Variants in STK3 observed in about 807,000 individuals in gnomAD.
STK3 encodes serine/threonine-protein kinase 3.
STK3 carries 41 observed loss-of-function variants against 58.0 expected under a neutral mutation model. The observed-to-expected ratio is 0.71, with a 90% CI of 0.55 to 0.92. The LOEUF is 0.92. Among genes scored for constraint, STK3 ranks in the 40% least tolerant of loss-of-function variants. STK3 has a pLI of 0.00. For missense variants in STK3, 479 were observed against 602.7 expected, an observed-to-expected ratio of 0.79 and a Z score of 2.15; for synonymous variants, 170 against 191.0, an observed-to-expected ratio of 0.89 and a Z score of 0.91.
At chr8:98,668,382 A>G (rs938828107) in intron 6 of STK3, among the ~76,000 whole-genome samples, 11 of 152,172 alleles carry the variant, frequency 7.2e-5, no homozygotes, top group Non-Finnish European at 4.4e-5. Flanking sequence ...AGACAGTTCA[A>G]AGTTTTATTT....
chr8:98,700,734 C>T (rs947222979), intron 6 of STK3, among the ~76,000 whole-genome samples: 3 of 152,180 alleles, frequency 2.0e-5, no homozygotes, highest in African/African-American at 7.2e-5. Context: ...GGTTTGATTT[C>T]TATTTTCTTT....
chr8:98,347,375 C>A, the STK3 span, among the ~76,000 whole-genome samples: 1 of 151,400 alleles, frequency 6.6e-6, no homozygotes, highest in Non-Finnish European at 1.5e-5. Flanking sequence ...ATTAGCCGGG[C>A]GTGATGGCGG....
intron 3 of STK3, among the ~76,000 whole-genome samples, chr8:98,421,712 G>T (rs1423460256): frequency 6.6e-6 from 1 of 152,116 alleles, no homozygotes; most frequent in Non-Finnish European, 1.5e-5. Flanking sequence ...GGAGGTGGAG[G>T]TTGCAGTGAG....
At chr8:98,866,367 G>A (rs543412166) in intron 3 of STK3, among the ~76,000 whole-genome samples, 2 of 152,186 alleles carry the variant, frequency 1.3e-5, no homozygotes, top group African/African-American at 4.8e-5. Flanking sequence ...ACTGCTTAAT[G>A]TAGTCTAGGA....
At chr8:98,548,974 T>C (rs1265117807) in intron 8 of STK3, among the ~76,000 whole-genome samples, 3 of 152,186 alleles carry the variant, frequency 2.0e-5, no homozygotes, top group African/African-American at 7.2e-5. Flanking sequence ...TATTCCATTG[T>C]ATGAATACAC....
At chr8:98,897,887 C>A (rs1487090195) in intron 1 of STK3, among the ~76,000 whole-genome samples, 1 of 152,134 alleles carries the variant, frequency 6.6e-6, no homozygotes, top group Non-Finnish European at 1.5e-5. Flanking sequence ...ATATGATCAC[C>A]ACACCATATC....
chr8:98,937,262 CT>C (rs1840230789), intron 1 of STK3, among the ~76,000 whole-genome samples: 1 of 152,272 alleles, frequency 6.6e-6, no homozygotes, highest in East Asian at 1.9e-4. Context: ...TGAGAATCAG[CT>C]TGAGTGAGCT....
At chr8:98,752,083 A>C (rs1273019452) in intron 3 of STK3, among the ~76,000 whole-genome samples, 1 of 152,192 alleles carries the variant, frequency 6.6e-6, no homozygotes, top group East Asian at 1.9e-4. Flanking sequence ...TCGGCACAGA[A>C]CTAGAAAAAA....
intron 3 of STK3, among the ~76,000 whole-genome samples, chr8:98,853,403 C>T (rs1162317905): frequency 6.6e-6 from 1 of 152,178 alleles, no homozygotes; most frequent in African/African-American, 2.4e-5. Flanking sequence ...TCTGTTCTTA[C>T]TGCTGGTCTC....
intron 3 of STK3, among the ~76,000 whole-genome samples, chr8:98,762,627 A>C (rs963442499): frequency 1.3e-5 from 2 of 152,254 alleles, no homozygotes; most frequent in Non-Finnish European, 2.9e-5. Flanking sequence ...TACTCAATAC[A>C]TACTAGTTGA....
At chr8:98,838,955 CCTT>C (rs1225659252) in intron 3 of STK3, among the ~76,000 whole-genome samples, 1 of 149,740 alleles carries the variant, frequency 6.7e-6, no homozygotes, top group Non-Finnish European at 1.5e-5. Flanking sequence ...AATAATTTAA[CCTT>C]CTTCTTTGTT....
At chr8:98,931,098 C>T (rs1443236729) in intron 1 of STK3, among the ~76,000 whole-genome samples, 4 of 152,184 alleles carry the variant, frequency 2.6e-5, no homozygotes, top group Non-Finnish European at 5.9e-5. Context: ...GATGAGGTAT[C>T]CTTGAAATCG....
chr8:98,346,847 G>A, the STK3 span, among the ~76,000 whole-genome samples: 6 of 151,460 alleles, frequency 4.0e-5, no homozygotes, highest in East Asian at 5.8e-4. Context: ...ATATAGATAC[G>A]GGTCTACACA....
At chr8:98,506,140 C>G (rs1824050647) in intron 10 of STK3, among the ~76,000 whole-genome samples, 1 of 152,234 alleles carries the variant, frequency 6.6e-6, no homozygotes, top group African/African-American at 2.4e-5. Flanking sequence ...TGCTGCCTTG[C>G]AGGTTGATCT....
At chr8:98,684,095 C>T (rs1823813982) in intron 6 of STK3, among the ~76,000 whole-genome samples, 1 of 152,074 alleles carries the variant, frequency 6.6e-6, no homozygotes, top group African/African-American at 2.4e-5. Context: ...ATCATGGTTT[C>T]CATTACTGGG....
chr8:98,920,835 G>C (rs1196040898), intron 1 of STK3, among the ~76,000 whole-genome samples: 1 of 152,254 alleles, frequency 6.6e-6, no homozygotes, highest in Non-Finnish European at 1.5e-5. Flanking sequence ...CAGGGTCCAG[G>C]TTCTTAACAC....
chr8:98,847,134 T>A (rs1368363171), intron 3 of STK3, among the ~76,000 whole-genome samples: 2 of 151,970 alleles, frequency 1.3e-5, no homozygotes, highest in Admixed American at 6.6e-5. Flanking sequence ...GAGGCTGAGG[T>A]GGGAAAACTG....
At chr8:98,708,886 G>A (rs1826169946) in intron 4 of STK3, among the ~76,000 whole-genome samples, 1 of 151,822 alleles carries the variant, frequency 6.6e-6, no homozygotes, top group Admixed American at 6.5e-5. Flanking sequence ...AACCATACCA[G>A]AATTTATACT....
intron 3 of STK3, chr8:98,429,811 CCCA>C (rs1405959362): frequency 1.1e-5 from 2 of 182,974 alleles, no homozygotes; most frequent in Non-Finnish European, 2.5e-5. Flanking sequence ...ACAAAAAGCC[CCCA>C]CAAGTCGTCC....
Sources: allele counts gnomAD v4.1 joint callset (sites outside exome capture counted in the v4.1 genomes callset), GRCh38; gene constraint gnomAD v4.1.1; transcripts MANE v1.5; gene names NCBI Gene and HGNC (gene_info 2026-07-23, HGNC 2026-07-21).